Variants in RFTN1 observed in about 807,000 individuals in gnomAD.
RFTN1 encodes the protein raftlin.
A neutral mutation model predicts 46.5 loss-of-function variants in RFTN1; 26 were observed. The observed-to-expected ratio is 0.56, with a 90% CI of 0.41 to 0.78. The LOEUF is 0.78. Among genes scored for constraint, RFTN1 ranks in the 30% least tolerant of loss-of-function variants. RFTN1 has a pLI of 0.00. For synonymous variants in RFTN1, 261 were observed against 284.2 expected, an observed-to-expected ratio of 0.92 and a Z score of 0.82; for missense variants, 693 against 718.7, an observed-to-expected ratio of 0.96 and a Z score of 0.41.
chr3:16,414,720 C>A (rs1014768612), intron 3 of RFTN1, among the ~76,000 whole-genome samples: 1 of 151,930 alleles, frequency 6.6e-6, no homozygotes, highest in African/African-American at 2.4e-5. Flanking sequence ...GATAGCTGCA[C>A]TGATGAGGTG....
At chr3:16,471,211 C>T (rs907122417) in intron 2 of RFTN1, among the ~76,000 whole-genome samples, 5 of 152,150 alleles carry the variant, frequency 3.3e-5, no homozygotes, top group Non-Finnish European at 7.4e-5. Flanking sequence ...TAAATCAAGG[C>T]CTATAATGCC....
At chr3:16,371,579 G>A (rs1038200701) in intron 5 of RFTN1, among the ~76,000 whole-genome samples, 3 of 152,236 alleles carry the variant, frequency 2.0e-5, no homozygotes, top group Non-Finnish European at 2.9e-5. Context: ...CCGCCTGAGC[G>A]AACACCAGCA....
chr3:16,478,843 T>G (rs1292102490), intron 2 of RFTN1, among the ~76,000 whole-genome samples: 3 of 152,122 alleles, frequency 2.0e-5, no homozygotes, highest in African/African-American at 4.8e-5. Context: ...TCTCCACAGG[T>G]CAGCTCACAA....
chr3:16,381,504 T>C lies in RFTN1; in HGVS notation c.442-3402A>G, dbSNP rs140263285. The stretch of plus-strand genomic sequence containing the variant: ...GTAACACAAAAGGAAGAATAAGAAA[T>C]GTGGCAGAACTGGAGCATGCATGCC... On this transcript the variant is annotated intron_variant, in intron 4 of 9. Coordinates refer to ENST00000334133, the MANE Select transcript of RFTN1 (RefSeq NM_015150.2). The surrounding 1 kb of genome is among the most constrained non-coding windows in gnomAD (Gnocchi z 4.2). Among the ~76,000 whole-genome samples the C allele has an allele frequency of 1.3e-3, 195 of 152,236 alleles. 1 individual carries two copies. In the East Asian group the frequency reaches 0.025, roughly 20 times the overall value.
Position 16,443,628 on chromosome 3 carries a change from G to A in RFTN1, c.146-9591C>T, listed in dbSNP as rs1372669254. Among the ~76,000 whole-genome samples, 2 of 152,086 alleles carry A rather than the reference G, an allele frequency of 1.3e-5. No homozygotes were observed. The highest frequency in any genetic ancestry group is 2.9e-5 in the Non-Finnish European group (2 of 68,012). On this transcript the variant is annotated intron_variant, in intron 2 of 9. Coordinates refer to ENST00000334133, the MANE Select transcript of RFTN1 (RefSeq NM_015150.2). This position sits in a 1 kb window ranked among gnomAD's most constrained non-coding sequence, Gnocchi z 5.5. ...CATCAAATGAATTAAGTTGCCGGCC[G>A]CCGGACCACAAATGACTGTTAAAGC...
intron 4 of RFTN1, among the ~76,000 whole-genome samples, chr3:16,390,848 G>C (rs2074326955): frequency 6.6e-6 from 1 of 152,148 alleles, no homozygotes; most frequent in Non-Finnish European, 1.5e-5. Context: ...TACACCAACT[G>C]AACGATGAAT....
rs183688590 is a variant in RFTN1 at position 16,329,515 on chromosome 3, G to A, written c.1147-2639C>T. Among the ~76,000 whole-genome samples, 3 of 152,192 alleles carry A rather than the reference G, an allele frequency of 2.0e-5. No individual in the cohort carries two copies. Among genetic ancestry groups the A allele is most frequent in the East Asian group, 3.9e-4 (2 of 5,176 alleles). On this transcript the variant is annotated intron_variant, in intron 7 of 9. Coordinates refer to ENST00000334133, the MANE Select transcript of RFTN1 (RefSeq NM_015150.2). This position sits in a 1 kb window ranked among gnomAD's most constrained non-coding sequence, Gnocchi z 4.5. ...AGGCCAGAGATGGCCCAGCAGTTGT[G>A]ACCATCCTTTCTGCCTGGCCTCTGG...
intron 7 of RFTN1, chr3:16,349,609 T>A (rs766778211): frequency 2.6e-5 from 4 of 152,196 alleles, no homozygotes; most frequent in Admixed American, 2.6e-4. Flanking sequence ...AAGAAAAGGG[T>A]ATGTTCAAGA....
intron 3 of RFTN1, among the ~76,000 whole-genome samples, chr3:16,412,131 T>C (rs2074990853): frequency 6.6e-6 from 1 of 152,238 alleles, no homozygotes; most frequent in Non-Finnish European, 1.5e-5. Flanking sequence ...TTACAAATTT[T>C]TTAGATGAAC....
rs1331645721 is a variant in RFTN1, at chr3:16,460,602, T to A, written c.146-26565A>T. 6.6e-6 allele frequency among the ~76,000 whole-genome samples: 1 copy of A among 151,036 alleles called. No homozygotes were observed. Among genetic ancestry groups the A allele is most frequent in the East Asian group, 1.9e-4 (1 of 5,196 alleles). On this transcript the variant is annotated intron_variant, in intron 2 of 9. Coordinates refer to ENST00000334133, the MANE Select transcript of RFTN1 (RefSeq NM_015150.2). This position sits in a 1 kb window ranked among gnomAD's most constrained non-coding sequence, Gnocchi z 4.8. Reference sequence around the variant, plus strand: ...CAGAGGCTGGGTGGGGAATATATATTTTTTTAACCTAAATCTTCTTCTCAT... The same window carrying A: ...CAGAGGCTGGGTGGGGAATATATATATTTTTAACCTAAATCTTCTTCTCAT...
rs749258187 is a variant in RFTN1 at position 16,451,001 on chromosome 3, G to A, written c.146-16964C>T. Among the ~76,000 whole-genome samples, 82 of 152,230 alleles carry A rather than the reference G, an allele frequency of 5.4e-4. No individual in the cohort carries two copies. Among genetic ancestry groups the A allele is most frequent in the Non-Finnish European group, 6.8e-4 (46 of 68,020 alleles). ...TTAATATAGGATCTTCAGCTCAAACGGAGAACTCTGGACTGGGGATAGAAA... is the reference window on the plus strand; with the variant it reads ...TTAATATAGGATCTTCAGCTCAAACAGAGAACTCTGGACTGGGGATAGAAA... On this transcript the variant is annotated intron_variant, in intron 2 of 9. Transcript: ENST00000334133. The surrounding 1 kb of genome is among the most constrained non-coding windows in gnomAD (Gnocchi z 4.2).
At position 16,440,198 on chromosome 3, in the gene RFTN1, A is replaced by C. The variant is rs1306425438; in HGVS notation, c.146-6161T>G. Among the ~76,000 whole-genome samples, 2 of 152,102 alleles carry C rather than the reference A, an allele frequency of 1.3e-5. No individual in the cohort carries two copies. The highest frequency in any genetic ancestry group is 2.4e-5 in the African/African-American group (1 of 41,422). On this transcript the variant is annotated intron_variant, in intron 2 of 9. Transcript: ENST00000334133. The surrounding 1 kb of genome is among the most constrained non-coding windows in gnomAD (Gnocchi z 4.6). Reference sequence around the variant, plus strand: ...TCCACTTTCTAATCTGTCAGGTTCTATAGTTTTTATCTACAGTGATCACAC... The same window carrying C: ...TCCACTTTCTAATCTGTCAGGTTCTCTAGTTTTTATCTACAGTGATCACAC...
chr3:16,369,843 C>T, intron 6 of RFTN1, among the ~76,000 whole-genome samples: 1 of 152,208 alleles, frequency 6.6e-6, no homozygotes, highest in East Asian at 1.9e-4. Flanking sequence ...AATCACTCCA[C>T]TTTCTCTGTC....
At chr3:16,455,258 G>A (rs1476776567) in intron 2 of RFTN1, among the ~76,000 whole-genome samples, 1 of 152,220 alleles carries the variant, frequency 6.6e-6, no homozygotes, top group Non-Finnish European at 1.5e-5. Flanking sequence ...TAACGATTAC[G>A]TGGAGAAATG....
intron 4 of RFTN1, among the ~76,000 whole-genome samples, chr3:16,406,314 C>T (rs1229173734): frequency 6.6e-6 from 1 of 152,210 alleles, no homozygotes; most frequent in Admixed American, 6.5e-5. Flanking sequence ...GGACTAGAAA[C>T]TAAAGCCACA....
Position 16,507,266 on chromosome 3 carries a change from C to A in RFTN1, c.-9+6176G>T, listed in dbSNP as rs941812821. ...GCTCATTATGAAGACACCTTTTGAC[C>A]TACTCTGGCCTATAGTCATGATTAT... On this transcript the variant is annotated intron_variant, in intron 1 of 9. Coordinates refer to ENST00000334133, the MANE Select transcript of RFTN1 (RefSeq NM_015150.2). The surrounding 1 kb of genome is among the most constrained non-coding windows in gnomAD (Gnocchi z 7.1). Among the ~76,000 whole-genome samples the A allele has an allele frequency of 6.6e-6, 1 of 152,128 alleles. No homozygotes were observed. The highest frequency in any genetic ancestry group is 2.1e-4 in the South Asian group (1 of 4,820).
At position 16,451,728 on chromosome 3, in the gene RFTN1, C is replaced by G. The variant is rs904388976; in HGVS notation, c.146-17691G>C. On this transcript the variant is annotated intron_variant, in intron 2 of 9. Transcript: ENST00000334133. This position sits in a 1 kb window ranked among gnomAD's most constrained non-coding sequence, Gnocchi z 4.2. ...TGAGGTGTGACAGCAAAACTACTAG[C>G]GTGATTTTTTTTTCCTTCCTCACAA... Among the ~76,000 whole-genome samples the G allele has an allele frequency of 6.6e-6, 1 of 152,146 alleles. No individual in the cohort carries two copies. Among genetic ancestry groups the G allele is most frequent in the African/African-American group, 2.4e-5 (1 of 41,434 alleles).
chr3:16,330,982 A>G (rs1034601183), intron 7 of RFTN1, among the ~76,000 whole-genome samples: 1 of 152,198 alleles, frequency 6.6e-6, no homozygotes, highest in African/African-American at 2.4e-5. Context: ...AATCTAGGAG[A>G]AAAGGAGTTT....
rs1053854349 is a variant in RFTN1, at chr3:16,381,951, G to C, written c.442-3849C>G. ...GAGAGTGGGAGTCTGAGGGAAAACT[G>C]CAAGATTTCTTCGAATGCTCATCTT... is the stretch of plus-strand genomic sequence containing the variant. On this transcript the variant is annotated intron_variant, in intron 4 of 9. Transcript: ENST00000334133. This position sits in a 1 kb window ranked among gnomAD's most constrained non-coding sequence, Gnocchi z 4.2. 2.6e-5 allele frequency among the ~76,000 whole-genome samples: 4 copies of C among 152,136 alleles called. No individual in the cohort carries two copies. The highest frequency in any genetic ancestry group is 9.7e-5 in the African/African-American group (4 of 41,406).
Sources: gnomAD v4.1 joint callset for allele counts (sites outside exome capture counted in the v4.1 genomes callset) on GRCh38, gnomAD v4.1.1 for gene constraint, Gnocchi (gnomAD v3.1) non-coding constraint, MANE v1.5 for transcripts, NCBI Gene and HGNC (gene_info 2026-07-23, HGNC 2026-07-21) for gene names.